PPP1R3G: variants seen among roughly 807,000 people sequenced by gnomAD.
PPP1R3G encodes the protein protein phosphatase 1, regulatory (inhibitor) subunit 3G.
A neutral mutation model predicts 2.0 loss-of-function variants in PPP1R3G; 3 were observed. The observed-to-expected ratio is 1.47, with a 90% confidence interval of 0.67 to 3.81. The LOEUF is 3.81. Ranked by LOEUF, PPP1R3G falls within the 30% of genes most tolerant of loss-of-function variation. The pLI is 0.02. For missense variants in PPP1R3G, 595 were observed against 517.0 expected (o/e 1.15, Z -1.46); for synonymous variants, 267 against 250.9 (o/e 1.06, Z -0.61).
At position 5,086,451 on chromosome 6, in the gene PPP1R3G, C is replaced by A. The variant is rs1188542607; in HGVS notation, c.966C>A (p.Gly322=). ...PEDEEDADER[G]VAVHFAVCYR... The stretch of plus-strand genomic sequence containing the variant: ...ACGAAGAGGACGCCGACGAGCGCGG[C>A]GTCGCGGTCCACTTCGCTGTCTGCT... The change falls in exon 1 of 1, where the codon GGC becomes GGA. Residue 322 remains glycine, a synonymous_variant. Transcript: ENST00000405617. 1 of 1,536,774 alleles carries A rather than the reference C, an allele frequency of 6.5e-7. No individual in the cohort carries two copies. Among genetic ancestry groups the A allele is most frequent in the South Asian group, 1.2e-5 (1 of 84,030 alleles).
In PPP1R3G at chr6:5,085,935, G is replaced by C. The variant is rs1297612139; in HGVS notation, c.450G>C (p.Glu150Asp). ...TGGCCAGCGTGAAGCACTTCAGCGAGGCGGAGGAGCCGCAGGTGCCGCCCG... is the reference window on the plus strand; with the variant it reads ...TGGCCAGCGTGAAGCACTTCAGCGACGCGGAGGAGCCGCAGGTGCCGCCCG... ...LSLASVKHFS[E>D]AEEPQVPPAV... Residue 150 changes from glutamate (E) to aspartate (D), a missense_variant, in exon 1 of 1, where the codon GAG becomes GAC. Coordinates refer to ENST00000405617, the MANE Select transcript of PPP1R3G (RefSeq NM_001145115.3). The C allele has an allele frequency of 2.0e-6, 3 of 1,527,880 alleles. No homozygotes were observed. Among genetic ancestry groups the C allele is most frequent in the South Asian group, 1.2e-5 (1 of 83,400 alleles). 94.6% of individuals were successfully genotyped at this position (1,527,880 alleles called of 1,614,324 possible).
Position 5,085,552 on chromosome 6 carries a change from C to G in PPP1R3G, c.67C>G (p.Pro23Ala). Reference protein sequence around the residue: ...PGPAPFREAPPAEELPAPVVP... With the variant: ...PGPAPFREAPAAEELPAPVVP... Reference sequence around the variant, plus strand: ...ACCAGCGCCCTTCCGAGAGGCCCCGCCGGCCGAGGAGCTGCCCGCCCCGGT... The same window carrying G: ...ACCAGCGCCCTTCCGAGAGGCCCCGGCGGCCGAGGAGCTGCCCGCCCCGGT... Residue 23 changes from proline to alanine, a missense_variant, in exon 1 of 1, where the codon CCG becomes GCG. Pro to Ala is a conservative substitution (Grantham distance 27). Transcript: ENST00000405617. 1 of 1,541,516 alleles carries G rather than the reference C, an allele frequency of 6.5e-7. No homozygotes were observed. The highest frequency in any genetic ancestry group is 8.7e-7 in the Non-Finnish European group (1 of 1,145,996).
rs1004128839 is a variant in PPP1R3G, at chr6:5,086,725, C to A, written c.*163C>A. 3 of 631,284 alleles carry A rather than the reference C, an allele frequency of 4.8e-6. No homozygotes were observed. The highest frequency in any genetic ancestry group is 1.8e-5 in the African/African-American group (1 of 54,326). 39.1% of individuals were successfully genotyped at this position (631,284 alleles called of 1,614,324 possible). The stretch of plus-strand genomic sequence containing the variant: ...AGACTTTGAACCGTCGACTCGCACC[C>A]CCGCAGACAAGTGAGCGAGCTTAGA... On this transcript the variant is annotated 3_prime_UTR_variant, in exon 1 of 1. Coordinates refer to ENST00000405617, the MANE Select transcript of PPP1R3G (RefSeq NM_001145115.3).
In PPP1R3G at chr6:5,087,487, G is replaced by C. The variant is rs1762071654; in HGVS notation, c.*925G>C. 6.6e-6 allele frequency: 1 copy of C among 152,328 alleles called. No individual in the cohort carries two copies. Among genetic ancestry groups the C allele is most frequent in the South Asian group, 2.1e-4 (1 of 4,836 alleles). 9.4% of individuals were successfully genotyped at this position (152,328 alleles called of 1,614,324 possible). ...CAGTCCTCGGGCAGGCCCTGGCTGT[G>C]ATCTGCGAGAGCCGGGCACGCACGC... On this transcript the variant is annotated 3_prime_UTR_variant, in exon 1 of 1. Coordinates refer to ENST00000405617, the MANE Select transcript of PPP1R3G (RefSeq NM_001145115.3).
Position 5,085,446 on chromosome 6 carries a change from G to A in PPP1R3G, c.-40G>A. ...AGGAGTTAGTTAAGTCTCCAGAGGG[G>A]CCCGGTTCGGCCCGAGCAAGTCCAG... On this transcript the variant is annotated 5_prime_UTR_variant, in exon 1 of 1. Transcript: ENST00000405617. The A allele has an allele frequency of 2.8e-6, 4 of 1,435,662 alleles. No individual in the cohort carries two copies. The highest frequency in any genetic ancestry group is 2.5e-5 in the South Asian group (2 of 78,572). The allele number at this position is 1,435,662 out of a possible 1,614,324, so 88.9% of individuals were successfully genotyped here. A position where few individuals can be genotyped will look rare whatever the true frequency, so the allele number is the denominator to read the frequency against.
rs566259511 is a variant in PPP1R3G at position 5,088,472 on chromosome 6, T to A, written c.*1910T>A. ...ACGTGAGAATTATATAAAATATATA[T>A]TTCAGTGTTCACAAATCAGGTTTTA... On this transcript the variant is annotated 3_prime_UTR_variant, in exon 1 of 1. Transcript: ENST00000405617. 6.6e-6 allele frequency: 1 copy of A among 152,354 alleles called. No individual in the cohort carries two copies. The highest frequency in any genetic ancestry group is 2.1e-4 in the South Asian group (1 of 4,828). 9.4% of individuals were successfully genotyped at this position (152,354 alleles called of 1,614,324 possible). A position where few individuals can be genotyped will look rare whatever the true frequency, so the allele number is the denominator to read the frequency against.
At position 5,088,885 on chromosome 6, in the gene PPP1R3G, A is replaced by G. The variant is rs771303427; in HGVS notation, c.*2323A>G. On this transcript the variant is annotated 3_prime_UTR_variant, in exon 1 of 1. Coordinates refer to ENST00000405617, the MANE Select transcript of PPP1R3G (RefSeq NM_001145115.3). Reference sequence around the variant, plus strand: ...CTTTCACCTAAAAAAATAGTAACACATCAGTGCAACTGAAACATAGCACCC... The same window carrying G: ...CTTTCACCTAAAAAAATAGTAACACGTCAGTGCAACTGAAACATAGCACCC... 1.3e-5 allele frequency: 2 copies of G among 152,236 alleles called. No individual in the cohort carries two copies. Among genetic ancestry groups the G allele is most frequent in the Admixed American group, 6.5e-5 (1 of 15,290 alleles). The allele number at this position is 152,236 out of a possible 1,614,324, so 9.4% of individuals were successfully genotyped here.
chr6:5,086,427 C>G lies in PPP1R3G; in HGVS notation c.942C>G (p.Asp314Glu), dbSNP rs369142544. Residue 314 changes from aspartate to glutamate, a missense_variant, in exon 1 of 1, where the codon GAC becomes GAG. Asp to Glu is a conservative substitution (Grantham distance 45). Coordinates refer to ENST00000405617, the MANE Select transcript of PPP1R3G (RefSeq NM_001145115.3). ...TGCCCCCGGGCCTGCAGCCTGAGGA[C>G]GAAGAGGACGCCGACGAGCGCGGCG... ...LCLPPGLQPEDEEDADERGVA... is the reference protein window; with the variant it reads ...LCLPPGLQPEEEEDADERGVA... 595 of 1,536,488 alleles carry G rather than the reference C, an allele frequency of 3.9e-4. 2 individuals are homozygous for G. The African/African-American group carries it at 7.4e-3, about 19-fold the overall frequency.
Position 5,085,604 on chromosome 6 carries a change from A to C in PPP1R3G, c.119A>C (p.Asp40Ala). The change falls in exon 1 of 1, where the codon GAC (aspartate) becomes GCC (alanine). Residue 40 changes from aspartate to alanine, a missense_variant. Physicochemically the swap from Asp to Ala is moderately radical, Grantham distance 126. Transcript: ENST00000405617. ...PVVPCVQGGG[D>A]GGGASETPSP... ...GTCCCCTGTGTGCAGGGTGGCGGCG[A>C]CGGCGGTGGCGCTTCGGAGACCCCG... 6.5e-7 allele frequency: 1 copy of C among 1,547,180 alleles called. No individual in the cohort carries two copies. Among genetic ancestry groups the C allele is most frequent in the Non-Finnish European group, 8.7e-7 (1 of 1,146,552 alleles).
chr6:5,086,539 G>A lies in PPP1R3G; in HGVS notation c.1054G>A (p.Ala352Thr), dbSNP rs751392619. The A allele has an allele frequency of 1.2e-5, 18 of 1,528,618 alleles. No homozygotes were observed. Among genetic ancestry groups the A allele is most frequent in the Non-Finnish European group, 1.6e-5 (18 of 1,139,876 alleles). The allele number at this position is 1,528,618 out of a possible 1,614,324, so 94.7% of individuals were successfully genotyped here. A position where few individuals can be genotyped will look rare whatever the true frequency, so the allele number is the denominator to read the frequency against. The change falls in exon 1 of 1, where the codon GCG (alanine) becomes ACG (threonine). Residue 352 changes from alanine to threonine, a missense_variant. Physicochemically the swap from Ala to Thr is moderately conservative, Grantham distance 58 (BLOSUM62 0). Coordinates refer to ENST00000405617, the MANE Select transcript of PPP1R3G (RefSeq NM_001145115.3). ...NAGANYTLRYARPADAL is the reference protein window; with the variant it reads ...NAGANYTLRYTRPADAL The stretch of plus-strand genomic sequence containing the variant: ...GGGCGCCAACTACACGCTGCGCTAC[G>A]CGCGCCCTGCGGACGCGCTCTGAGC...
In PPP1R3G at chr6:5,086,284, C is replaced by T; in HGVS notation, c.799C>T (p.Leu267=). 1 of 1,535,536 alleles carries T rather than the reference C, an allele frequency of 6.5e-7. No individual in the cohort carries two copies. The highest frequency in any genetic ancestry group is 8.7e-7 in the Non-Finnish European group (1 of 1,146,708). Residue 267 remains leucine (L), a synonymous_variant, in exon 1 of 1, where the codon CTG becomes TTG. Coordinates refer to ENST00000405617, the MANE Select transcript of PPP1R3G (RefSeq NM_001145115.3). ...CTCCTTCCTGGACGTGCCGGCTGAG[C>T]TGCAGCCCGAGCCGCTGGAGCCACA... ...WRSFLDVPAE[L]QPEPLEPQQP...
rs1262269348 is a variant in PPP1R3G, at chr6:5,087,102, GC to G, written c.*542del. The G allele has an allele frequency of 6.5e-6, 1 of 153,242 alleles. No individual in the cohort carries two copies. The highest frequency in any genetic ancestry group is 1.5e-5 in the Non-Finnish European group (1 of 68,906). 9.5% of individuals were successfully genotyped at this position (153,242 alleles called of 1,614,324 possible). On this transcript the variant is annotated 3_prime_UTR_variant, in exon 1 of 1. Coordinates refer to ENST00000405617, the MANE Select transcript of PPP1R3G (RefSeq NM_001145115.3). ...CTCAGAGAAAACCCTTCGGGGCTGG[GC>G]CAGGCCACCCTTTTCTTTTGACTGA...
In PPP1R3G at chr6:5,086,560, T is replaced by G; in HGVS notation, c.1075T>G (p.Ter359GlyextTer31). 1 of 1,518,510 alleles carries G rather than the reference T, an allele frequency of 6.6e-7. No homozygotes were observed. The highest frequency in any genetic ancestry group is 8.8e-7 in the Non-Finnish European group (1 of 1,134,858). 94.1% of individuals were successfully genotyped at this position (1,518,510 alleles called of 1,614,324 possible). ...LRYARPADAL[*>G] is the part of the protein sequence containing the mutation. ...CTACGCGCGCCCTGCGGACGCGCTCTGAGCCTGGAGAGTTTCGAAGAGCCG... is the reference window on the plus strand; with the variant it reads ...CTACGCGCGCCCTGCGGACGCGCTCGGAGCCTGGAGAGTTTCGAAGAGCCG... The change falls in exon 1 of 1, where the codon TGA (stop) becomes GGA (glycine). Residue 359 changes from the stop codon to glycine (G), a stop_lost. Coordinates refer to ENST00000405617, the MANE Select transcript of PPP1R3G (RefSeq NM_001145115.3).
chr6:5,086,074 C>G lies in PPP1R3G; in HGVS notation c.589C>G (p.Leu197Val), dbSNP rs1762002242. ...GCCCCTTTCAGCGCCGCCTTCCCGG[C>G]TCCGGCCGCTCTTCCAGCTCCCGGG... ...AAPLSAPPSRLRPLFQLPGPS... is the reference protein window; with the variant it reads ...AAPLSAPPSRVRPLFQLPGPS... The change falls in exon 1 of 1, where the codon CTC (leucine) becomes GTC (valine). Residue 197 changes from leucine (L) to valine (V), a missense_variant. Coordinates refer to ENST00000405617, the MANE Select transcript of PPP1R3G (RefSeq NM_001145115.3). The G allele has an allele frequency of 2.7e-6, 4 of 1,469,152 alleles. No individual in the cohort carries two copies. In the South Asian group the frequency reaches 5.3e-5, roughly 20 times the overall value. 91.0% of individuals were successfully genotyped at this position (1,469,152 alleles called of 1,614,324 possible).
In PPP1R3G at chr6:5,085,824, G is replaced by A. The variant is rs1208826614; in HGVS notation, c.339G>A (p.Gly113=). ...AGGCGGTGGCACTGGGCGGCGAGGGGGCGGAGGACGCACAGCTCGGCCCGG... is the reference window on the plus strand; with the variant it reads ...AGGCGGTGGCACTGGGCGGCGAGGGAGCGGAGGACGCACAGCTCGGCCCGG... ...QQQAVALGGE[G]AEDAQLGPGG... Residue 113 remains glycine (G), a synonymous_variant, in exon 1 of 1, where the codon GGG becomes GGA. Coordinates refer to ENST00000405617, the MANE Select transcript of PPP1R3G (RefSeq NM_001145115.3). The A allele has an allele frequency of 5.9e-6, 9 of 1,528,568 alleles. No homozygotes were observed. The African/African-American group carries it at 1.2e-4, about 21-fold the overall frequency. 94.7% of individuals were successfully genotyped at this position (1,528,568 alleles called of 1,614,324 possible). A position where few individuals can be genotyped will look rare whatever the true frequency, so the allele number is the denominator to read the frequency against.
rs1404338698 is a variant in PPP1R3G at position 5,085,956 on chromosome 6, G to T, written c.471G>T (p.Pro157=). The T allele has an allele frequency of 7.2e-6, 11 of 1,526,582 alleles. No homozygotes were observed. The highest frequency in any genetic ancestry group is 9.6e-6 in the Non-Finnish European group (11 of 1,143,580). 94.6% of individuals were successfully genotyped at this position (1,526,582 alleles called of 1,614,324 possible). ...HFSEAEEPQV[P]PAVLSRLRSF... The stretch of plus-strand genomic sequence containing the variant: ...GCGAGGCGGAGGAGCCGCAGGTGCC[G>T]CCCGCCGTGCTCTCGCGCCTCCGAA... The change falls in exon 1 of 1, where the codon CCG becomes CCT. Residue 157 remains proline (P), a synonymous_variant. Transcript: ENST00000405617.
rs1298891798 is a variant in PPP1R3G at position 5,085,974 on chromosome 6, C to A, written c.489C>A (p.Arg163=). Reference sequence around the variant, plus strand: ...AGGTGCCGCCCGCCGTGCTCTCGCGCCTCCGAAGCTTCCCTATGCGTGCCG... The same window carrying A: ...AGGTGCCGCCCGCCGTGCTCTCGCGACTCCGAAGCTTCCCTATGCGTGCCG... ...EPQVPPAVLS[R]LRSFPMRAED... is the part of the protein sequence containing the mutation. The change falls in exon 1 of 1, where the codon CGC becomes CGA. Residue 163 remains arginine (R), a synonymous_variant. Transcript: ENST00000405617. 1 of 1,527,162 alleles carries A rather than the reference C, an allele frequency of 6.5e-7. No individual in the cohort carries two copies. Among genetic ancestry groups the A allele is most frequent in the African/African-American group, 1.4e-5 (1 of 71,218 alleles). The allele number at this position is 1,527,162 out of a possible 1,614,324, so 94.6% of individuals were successfully genotyped here. A position where few individuals can be genotyped will look rare whatever the true frequency, so the allele number is the denominator to read the frequency against.
At position 5,085,849 on chromosome 6, in the gene PPP1R3G, G is replaced by T. The variant is rs1313360287; in HGVS notation, c.364G>T (p.Gly122Cys). The change falls in exon 1 of 1, where the codon GGC (glycine) becomes TGC (cysteine). Residue 122 changes from glycine to cysteine, a missense_variant. Physicochemically the swap from Gly to Cys is radical, Grantham distance 159 (BLOSUM62 -3). Transcript: ENST00000405617. Reference protein sequence around the residue: ...EGAEDAQLGPGGCCAKCKKRV... With the variant: ...EGAEDAQLGPCGCCAKCKKRV... ...GGCGGAGGACGCACAGCTCGGCCCGGGCGGCTGCTGCGCCAAGTGCAAGAA... is the reference window on the plus strand; with the variant it reads ...GGCGGAGGACGCACAGCTCGGCCCGTGCGGCTGCTGCGCCAAGTGCAAGAA... The T allele has an allele frequency of 6.5e-7, 1 of 1,529,802 alleles. No homozygotes were observed. The highest frequency in any genetic ancestry group is 8.7e-7 in the Non-Finnish European group (1 of 1,143,188). The allele number at this position is 1,529,802 out of a possible 1,614,324, so 94.8% of individuals were successfully genotyped here.
chr6:5,085,414 C>A lies in PPP1R3G; in HGVS notation c.-72C>A, dbSNP rs1761956749. 2 of 1,159,398 alleles carry A rather than the reference C, an allele frequency of 1.7e-6. No homozygotes were observed. Among genetic ancestry groups the A allele is most frequent in the South Asian group, 1.5e-5 (1 of 66,132 alleles). 71.8% of individuals were successfully genotyped at this position (1,159,398 alleles called of 1,614,324 possible). On this transcript the variant is annotated 5_prime_UTR_variant, in exon 1 of 1. Coordinates refer to ENST00000405617, the MANE Select transcript of PPP1R3G (RefSeq NM_001145115.3). The stretch of plus-strand genomic sequence containing the variant: ...GAACTGCAGCCCTGCGCTCCTTCCA[C>A]GGCCCGAGGAGTTAGTTAAGTCTCC...
Sources: allele counts gnomAD v4.1 joint callset, GRCh38; gene constraint gnomAD v4.1.1; transcripts MANE v1.5; gene names NCBI Gene and HGNC (gene_info 2026-07-23, HGNC 2026-07-21).